Variants in CTNNA3 observed in about 807,000 individuals in gnomAD.
CTNNA3 encodes catenin alpha-3.
In CTNNA3, 76 loss-of-function variants were observed where a neutral mutation model predicts 95.7. The ratio of observed to expected loss-of-function variants is 0.79; its 90% CI spans 0.66 to 0.96. The LOEUF (loss-of-function observed/expected upper bound fraction) is 0.96, where lower values mean the gene tolerates loss of function less well. Ranked by LOEUF, CTNNA3 falls within the 40% of genes least tolerant of loss-of-function variation. The pLI, the probability that CTNNA3 is intolerant of heterozygous loss-of-function variation, is 0.00. For synonymous variants in CTNNA3, 431 were observed against 374.4 expected, an observed-to-expected ratio of 1.15 and a Z score of -1.74; for missense variants, 1,191 against 1,089.8, an observed-to-expected ratio of 1.09 and a Z score of -1.31.
chr10:67,522,674 A>G (rs1840022998), intron 4 of CTNNA3, among the ~76,000 whole-genome samples: 1 of 151,468 alleles, frequency 6.6e-6, no homozygotes, highest in South Asian at 2.1e-4. Flanking sequence ...TTTTTAAATC[A>G]GATACTAGAT....
intron 9 of CTNNA3, among the ~76,000 whole-genome samples, chr10:66,683,467 C>T (rs1252499132): frequency 6.6e-6 from 1 of 152,132 alleles, no homozygotes; most frequent in Non-Finnish European, 1.5e-5. Context: ...ACCATCATTA[C>T]TTATAGTTTA....
chr10:66,822,056 A>G (rs1842321012), intron 7 of CTNNA3, among the ~76,000 whole-genome samples: 1 of 149,888 alleles, frequency 6.7e-6, no homozygotes, highest in Admixed American at 6.7e-5. Flanking sequence ...CATTATATAA[A>G]GTATATAATT....
At chr10:67,142,659 C>T (rs920637645) in intron 7 of CTNNA3, among the ~76,000 whole-genome samples, 4 of 152,146 alleles carry the variant, frequency 2.6e-5, no homozygotes, top group East Asian at 1.9e-4. Flanking sequence ...AAAGGCTGGG[C>T]GCAGTGGCTC....
intron 1 of CTNNA3, among the ~76,000 whole-genome samples, chr10:67,732,730 C>T (rs1037151445): frequency 6.6e-6 from 1 of 152,200 alleles, no homozygotes; most frequent in Non-Finnish European, 1.5e-5. Flanking sequence ...TATTATTTCT[C>T]TCACAACATT....
At chr10:67,676,199 A>G (rs1840531818) in intron 1 of CTNNA3, among the ~76,000 whole-genome samples, 1 of 152,140 alleles carries the variant, frequency 6.6e-6, no homozygotes, top group African/African-American at 2.4e-5. Context: ...AGGAATTATA[A>G]GAAATCACAA....
In CTNNA3 at chr10:67,750,285, T is replaced by C. The variant is rs921900836; in HGVS notation, c.-2+13149A>G. ...CTCAGAATCATTTCTGCACCAACCA[T>C]GGCCATCTTTGTGGAGCTCAATACC... On this transcript the variant is annotated intron_variant, in intron 1 of 17. Transcript: ENST00000684154. The C allele has an allele frequency of 6.6e-6, 10 of 1,519,852 alleles. No individual in the cohort carries two copies. The African/African-American group carries it at 1.2e-4, about 19-fold the overall frequency. 94.1% of individuals were successfully genotyped at this position (1,519,852 alleles called of 1,614,324 possible). A position where few individuals can be genotyped will look rare whatever the true frequency, so the allele number is the denominator to read the frequency against.
intron 13 of CTNNA3, among the ~76,000 whole-genome samples, chr10:66,122,190 T>A (rs1381704488): frequency 6.6e-6 from 1 of 152,038 alleles, no homozygotes; most frequent in Non-Finnish European, 1.5e-5. Context: ...AAATTCAAAA[T>A]CACTGTAACA....
At chr10:66,042,823 C>T (rs1057040635) in intron 15 of CTNNA3, among the ~76,000 whole-genome samples, 1 of 138,372 alleles carries the variant, frequency 7.2e-6, no homozygotes, top group Non-Finnish European at 1.5e-5. Flanking sequence ...TTGCTTGAAC[C>T]CAGGAGGCGG....
At chr10:65,977,120 T>G (rs1384963128) in intron 16 of CTNNA3, among the ~76,000 whole-genome samples, 3 of 152,208 alleles carry the variant, frequency 2.0e-5, no homozygotes, top group African/African-American at 4.8e-5. Context: ...TCAAGTAACA[T>G]TTGCTTTAAA....
At chr10:66,301,266 A>G (rs2091859496) in intron 12 of CTNNA3, among the ~76,000 whole-genome samples, 1 of 152,040 alleles carries the variant, frequency 6.6e-6, no homozygotes, top group Non-Finnish European at 1.5e-5. Flanking sequence ...AATTATACCA[A>G]TTCTTTCCAT....
intron 5 of CTNNA3, among the ~76,000 whole-genome samples, chr10:67,412,644 C>T (rs1390273532): frequency 6.6e-6 from 1 of 152,046 alleles, no homozygotes; most frequent in African/African-American, 2.4e-5. Flanking sequence ...TCCCACCAGG[C>T]TAGAAGCAGA....
chr10:67,103,309 A>T (rs1005855826), intron 7 of CTNNA3, among the ~76,000 whole-genome samples: 1 of 151,878 alleles, frequency 6.6e-6, no homozygotes, highest in Non-Finnish European at 1.5e-5. Context: ...GCATACCAAA[A>T]GACAACTATA....
intron 5 of CTNNA3, among the ~76,000 whole-genome samples, chr10:67,356,195 C>T (rs1842801384): frequency 6.6e-6 from 1 of 152,026 alleles, no homozygotes; most frequent in Admixed American, 6.6e-5. Flanking sequence ...ATACTGCCTC[C>T]ACCTCTTTGC....
At chr10:66,094,937 C>T (rs1283978996) in intron 14 of CTNNA3, among the ~76,000 whole-genome samples, 2 of 152,046 alleles carry the variant, frequency 1.3e-5, no homozygotes, top group African/African-American at 2.4e-5. Flanking sequence ...AAAAACTATT[C>T]CTGAGTTTAG....
At chr10:66,727,758 C>T (rs1032641672) in intron 9 of CTNNA3, among the ~76,000 whole-genome samples, 6 of 151,956 alleles carry the variant, frequency 3.9e-5, no homozygotes, top group Non-Finnish European at 8.8e-5. Context: ...ATTTACAGTA[C>T]GTTAGAAAAT....
chr10:67,113,037 C>T (rs951502080), intron 7 of CTNNA3, among the ~76,000 whole-genome samples: 7 of 152,128 alleles, frequency 4.6e-5, no homozygotes, highest in Non-Finnish European at 1.0e-4. Context: ...GGGTTACATT[C>T]GCTATCATGG....
At chr10:66,004,136 G>A in intron 15 of CTNNA3, among the ~76,000 whole-genome samples, 1 of 152,192 alleles carries the variant, frequency 6.6e-6, no homozygotes. Flanking sequence ...TGCAGTGAAA[G>A]CATCATCATA....
intron 11 of CTNNA3, among the ~76,000 whole-genome samples, chr10:66,435,398 T>A (rs2093329845): frequency 6.6e-6 from 1 of 152,168 alleles, no homozygotes; most frequent in South Asian, 2.1e-4. Flanking sequence ...GTCCAGGAAT[T>A]TATCCATTTC....
intron 16 of CTNNA3, among the ~76,000 whole-genome samples, chr10:65,968,634 T>C (rs1341286368): frequency 6.6e-6 from 1 of 152,096 alleles, no homozygotes. Context: ...TCAAAGTACA[T>C]GTTTGCTCAG....
Sources: gnomAD v4.1 joint callset for allele counts (sites outside exome capture counted in the v4.1 genomes callset) on GRCh38, gnomAD v4.1.1 for gene constraint, MANE v1.5 for transcripts, NCBI Gene and HGNC (gene_info 2026-07-23, HGNC 2026-07-21) for gene names.